Variants in TG observed in about 807,000 individuals in gnomAD.
The protein encoded by TG is thyroglobulin.
A neutral mutation model predicts 324.7 loss-of-function variants in TG; 270 were observed. The observed-to-expected ratio is 0.83, with a 90% CI of 0.75 to 0.92. TG has a LOEUF of 0.92. Ranked by LOEUF, TG falls within the 40% of genes least tolerant of loss-of-function variation. The pLI, the probability that TG is intolerant of heterozygous loss-of-function variation, is 0.00. For missense variants in TG, 3,591 were observed against 3,456.4 expected, an observed-to-expected ratio of 1.04 and a Z score of -0.98; for synonymous variants, 1,401 against 1,327.0, an observed-to-expected ratio of 1.06 and a Z score of -1.21.
At chr8:132,902,731 A>T (rs753172411) in intron 16 of TG, among the ~76,000 whole-genome samples, 7 of 152,220 alleles carry the variant, frequency 4.6e-5, no homozygotes, top group Non-Finnish European at 7.3e-5. Context: ...CTTCCAGGTC[A>T]TCTAGGAGTG....
At chr8:133,003,014 GT>G in intron 35 of TG, 1 of 1,032,028 alleles carries the variant, frequency 9.7e-7, no homozygotes, top group South Asian at 3.8e-5. Flanking sequence ...ACAACTCCAT[GT>G]TTTCCAAAAG....
chr8:132,917,467 T>C (rs1820506466), intron 20 of TG, among the ~76,000 whole-genome samples: 1 of 152,052 alleles, frequency 6.6e-6, no homozygotes. Context: ...TTGGTATAAA[T>C]GCAGGGAGTC....
intron 7 of TG, 89 bp from the exon 8 acceptor site, chr8:132,882,725 A>C: frequency 1.2e-6 from 2 of 1,612,192 alleles, no homozygotes; most frequent in Non-Finnish European, 1.7e-6. Context: ...CAGAGATGAA[A>C]AGAATCGTTA....
rs140927008 is a variant in TG, at chr8:133,022,101, C to T, written c.6987C>T (p.Ile2329=). 95 of 1,614,018 alleles carry T rather than the reference C, an allele frequency of 5.9e-5. No individual in the cohort carries two copies. The highest frequency in any genetic ancestry group is 7.6e-5 in the Non-Finnish European group (90 of 1,180,036). Residue 2329 remains isoleucine, a synonymous_variant, in exon 40 of 48, where the codon ATC becomes ATT. Coordinates refer to ENST00000220616, the MANE Select transcript of TG (RefSeq NM_003235.5). The stretch of plus-strand genomic sequence containing the variant: ...TCTTGGCTGCTGTTGGCAACCTCAT[C>T]GTGGTCACTGCCAGCTACCGAGTGG... ...GSFLAAVGNL[I]VVTASYRVGV... is the part of the protein sequence containing the mutation.
At chr8:132,880,794 A>G (rs1175580967) in intron 5 of TG, among the ~76,000 whole-genome samples, 3 of 152,216 alleles carry the variant, frequency 2.0e-5, no homozygotes, top group Non-Finnish European at 4.4e-5. Context: ...ACCTTTTTAC[A>G]TAATGTTATA....
chr8:132,895,134 C>CA (rs1285806047), intron 11 of TG, among the ~76,000 whole-genome samples: 20 of 152,376 alleles, frequency 1.3e-4, no homozygotes, highest in Non-Finnish European at 2.4e-4. Context: ...AGATTTCTCA[C>CA]TGACCCCACA....
chr8:133,051,012 T>G, intron 41 of TG: 4 of 685,992 alleles, frequency 5.8e-6, no homozygotes, highest in East Asian at 5.3e-5. Flanking sequence ...AGATGAGATT[T>G]TCCAGCAGGA....
intron 45 of TG, among the ~76,000 whole-genome samples, chr8:133,119,361 G>C (rs1049276891): frequency 6.8e-4 from 103 of 152,294 alleles, no homozygotes; most frequent in African/African-American, 2.2e-3. Flanking sequence ...TATGAAGTGT[G>C]TCTCAGTCTA....
intron 43 of TG, among the ~76,000 whole-genome samples, chr8:133,103,650 G>T (rs13256171): frequency 0.16 from 24,156 of 152,180 alleles, 2,372 homozygotes; most frequent in Non-Finnish European, 0.21. Context: ...ACTTTTGTGA[G>T]TTCCTAAAAG....
chr8:133,055,835 A>G (rs951160146), intron 41 of TG, among the ~76,000 whole-genome samples: 1 of 11,574 alleles, frequency 8.6e-5, no homozygotes. Flanking sequence ...CAGCAGCAGC[A>G]GCAGCAGCAG....
chr8:132,981,108 G>C (rs1379084519), intron 34 of TG, among the ~76,000 whole-genome samples: 2 of 152,186 alleles, frequency 1.3e-5, no homozygotes, highest in Non-Finnish European at 2.9e-5. Context: ...GTACAATAAA[G>C]AAGGTCCCAC....
At chr8:132,906,989 TC>T in intron 17 of TG, 89 bp downstream of exon 17, 1 of 1,377,400 alleles carries the variant, frequency 7.3e-7, no homozygotes, top group Non-Finnish European at 1.0e-6. Flanking sequence ...CTGCTCCATT[TC>T]CCCACCCAAA....
At chr8:132,981,693 C>T (rs1830870081) in intron 34 of TG, among the ~76,000 whole-genome samples, 1 of 152,198 alleles carries the variant, frequency 6.6e-6, no homozygotes, top group Admixed American at 6.5e-5. Context: ...CCTCAGATCC[C>T]ATCCCAGACC....
chr8:133,007,998 G>A (rs1227559816), intron 35 of TG, among the ~76,000 whole-genome samples: 1 of 151,988 alleles, frequency 6.6e-6, no homozygotes, highest in Non-Finnish European at 1.5e-5. Flanking sequence ...TGTCCTGTTA[G>A]AAAATATAAA....
In TG at chr8:132,888,029, C is replaced by T. The variant is rs116811188; in HGVS notation, c.2222C>T (p.Thr741Met). 1.1e-4 allele frequency: 171 copies of T among 1,614,166 alleles called. No homozygotes were observed. The highest frequency in any genetic ancestry group is 4.5e-4 in the East Asian group (20 of 44,880). ...CAGTCTGAGCAAGCTTTCCTCAGGACGGTGCAGGCCCTGCTCTCTAACTCC... is the reference window on the plus strand; with the variant it reads ...CAGTCTGAGCAAGCTTTCCTCAGGATGGTGCAGGCCCTGCTCTCTAACTCC... ...QLQSEQAFLR[T>M]VQALLSNSSM... The change falls in exon 10 of 48, where the codon ACG (threonine) becomes ATG (methionine). Residue 741 changes from threonine (T) to methionine (M), a missense_variant. Coordinates refer to ENST00000220616, the MANE Select transcript of TG (RefSeq NM_003235.5).
At chr8:133,062,546 C>T (rs920647441) in intron 41 of TG, among the ~76,000 whole-genome samples, 1 of 152,254 alleles carries the variant, frequency 6.6e-6, no homozygotes, top group Admixed American at 6.5e-5. Context: ...GTGCTGCCTC[C>T]GAGGCCCGGG....
intron 43 of TG, among the ~76,000 whole-genome samples, chr8:133,110,923 G>A (rs1202088246): frequency 1.3e-5 from 2 of 152,148 alleles, no homozygotes; most frequent in South Asian, 2.1e-4. Flanking sequence ...CTTAGCAGGC[G>A]ACTGCTTTGT....
At chr8:133,031,209 T>A (rs1836609335) in intron 41 of TG, among the ~76,000 whole-genome samples, 1 of 152,212 alleles carries the variant, frequency 6.6e-6, no homozygotes, top group Non-Finnish European at 1.5e-5. Flanking sequence ...ATTAGTGTAA[T>A]CATGTAAGAT....
chr8:133,046,706 C>T (rs2703000), intron 41 of TG: 83,417 of 152,048 alleles, frequency 0.55, 23,809 homozygotes, highest in African/African-American at 0.69. Context: ...ATCCTGCCTC[C>T]GGGGACCTCT....
Sources: allele counts gnomAD v4.1 joint callset (sites outside exome capture counted in the v4.1 genomes callset), GRCh38; gene constraint gnomAD v4.1.1; transcripts MANE v1.5; gene names NCBI Gene and HGNC (gene_info 2026-07-23, HGNC 2026-07-21).